Variants in BUB1 observed in about 807,000 individuals in gnomAD.
BUB1 encodes mitotic checkpoint serine/threonine-protein kinase BUB1.
Under a neutral mutation model 135.2 loss-of-function variants are expected in BUB1, and 84 were observed. The ratio of observed to expected loss-of-function variants is 0.62; its 90% CI spans 0.52 to 0.74. BUB1 has a LOEUF of 0.74. BUB1 is among the 30% of genes least tolerant of loss of function. The pLI is 0.00. For missense variants in BUB1, 1,162 were observed against 1,288.3 expected, an observed-to-expected ratio of 0.90 and a Z score of 1.50; for synonymous variants, 403 against 434.4, an observed-to-expected ratio of 0.93 and a Z score of 0.90.
rs1309490467 is a variant in BUB1 at position 110,641,013 on chromosome 2, T to C, written c.2955+21A>G. ...CGCAACACAGAAAAATATTTCCAAG[T>C]CCCTCACTTTAGTTTTATACCTGGT... On this transcript the variant is annotated intron_variant, in intron 23 of 24. Transcript: ENST00000302759. 3.9e-6 allele frequency: 6 copies of C among 1,528,202 alleles called. No homozygotes were observed. In the East Asian group the frequency reaches 1.4e-4, roughly 35 times the overall value. The allele number at this position is 1,528,202 out of a possible 1,614,324, so 94.7% of individuals were successfully genotyped here.
At chr2:110,655,718 C>G (rs776915240) in intron 16 of BUB1, 21 bp downstream of exon 16, 1 of 1,569,002 alleles carries the variant, frequency 6.4e-7, no homozygotes, top group Non-Finnish European at 8.7e-7. Context: ...AAGACAGACA[C>G]TAAAACAGTG....
At position 110,649,361 on chromosome 2, in the gene BUB1, G is replaced by C. The variant is rs916510561; in HGVS notation, c.2220C>G (p.Asn740Lys). 6.3e-7 allele frequency: 1 copy of C among 1,592,664 alleles called. No individual in the cohort carries two copies. The highest frequency in any genetic ancestry group is 8.5e-7 in the Non-Finnish European group (1 of 1,171,162). Residue 740 changes from asparagine to lysine, a missense_variant, in exon 19 of 25, where the codon AAC (asparagine) becomes AAG (lysine). Coordinates refer to ENST00000302759, the MANE Select transcript of BUB1 (RefSeq NM_004336.5). ...TVDAPNFIVGNPWDDKLIFKL... is the reference protein window; with the variant it reads ...TVDAPNFIVGKPWDDKLIFKL... ...TGAAAATCAGCTTATCATCCCATGG[G>C]TTCCCAACAATGAAGTCTTAAAGGA...
At position 110,650,748 on chromosome 2, in the gene BUB1, C is replaced by T. The variant is rs201651544; in HGVS notation, c.2001G>A (p.Ser667=). 4.3e-6 allele frequency: 7 copies of T among 1,613,942 alleles called. No individual in the cohort carries two copies. Among genetic ancestry groups the T allele is most frequent in the Admixed American group, 3.3e-5 (2 of 59,958 alleles). The change falls in exon 18 of 25, where the codon TCG becomes TCA. Residue 667 remains serine, a synonymous_variant. Transcript: ENST00000302759. The stretch of plus-strand genomic sequence containing the variant: ...GTAAGGATGCTGAATACATGTGAGA[C>T]GACAAGGCCTGTTTTGGGCTTTTCT... ...IQEKSPKQAL[S]SHMYSASLLR... is the part of the protein sequence containing the mutation.
intron 15 of BUB1, among the ~76,000 whole-genome samples, chr2:110,656,164 A>G (rs1689929526): frequency 6.6e-6 from 1 of 152,206 alleles, no homozygotes; most frequent in Non-Finnish European, 1.5e-5. Context: ...TTAATTTGAA[A>G]AAGTTGTGAT....
At chr2:110,656,825 A>G (rs575226572) in intron 15 of BUB1, among the ~76,000 whole-genome samples, 1 of 152,322 alleles carries the variant, frequency 6.6e-6, no homozygotes, top group Non-Finnish European at 1.5e-5. Context: ...TTAATAAATA[A>G]TTTTGGTAGG....
chr2:110,645,585 ATGTGTGTG>A (rs141013722), intron 19 of BUB1, among the ~76,000 whole-genome samples: 1 of 146,608 alleles, frequency 6.8e-6, no homozygotes, highest in African/African-American at 2.5e-5. Context: ...CGTTACGTGT[ATGTGTGTG>A]TGTGTGTGTG....
chr2:110,662,011 A>C, intron 9 of BUB1, 170 bp from the exon 10 acceptor site: 1 of 729,452 alleles, frequency 1.4e-6, no homozygotes, highest in South Asian at 2.0e-5. Flanking sequence ...AGTCAACAAC[A>C]AAAAGACCAC....
chr2:110,676,819 G>T (rs1690603031), intron 1 of BUB1, among the ~76,000 whole-genome samples: 2 of 151,442 alleles, frequency 1.3e-5, no homozygotes, highest in Admixed American at 6.6e-5. Context: ...CTAGAAAAAC[G>T]GTTACATGTG....
chr2:110,644,267 T>G (rs1391849233), intron 19 of BUB1, among the ~76,000 whole-genome samples: 1 of 151,460 alleles, frequency 6.6e-6, no homozygotes, highest in Admixed American at 6.6e-5. Flanking sequence ...GGCGGATCAC[T>G]TGAGGTCAGG....
chr2:110,650,625 T>G lies in BUB1; in HGVS notation c.2124A>C (p.Ala708=). Residue 708 remains alanine, a synonymous_variant, in exon 18 of 25, where the codon GCA becomes GCC. Coordinates refer to ENST00000302759, the MANE Select transcript of BUB1 (RefSeq NM_004336.5). ...CRLTDTDAAI[A]EDPPDAIAGL... ...CAGCAATAGCATCTGGTGGATCTTC[T>G]GCAATGGCAGCGTCAGTGTCTGTGA... 1 of 1,613,982 alleles carries G rather than the reference T, an allele frequency of 6.2e-7. No individual in the cohort carries two copies. Among genetic ancestry groups the G allele is most frequent in the Non-Finnish European group, 8.5e-7 (1 of 1,179,962 alleles).
intron 1 of BUB1, among the ~76,000 whole-genome samples, chr2:110,677,253 A>G (rs1162297711): frequency 3.9e-5 from 6 of 152,210 alleles, no homozygotes; most frequent in Non-Finnish European, 7.3e-5. Flanking sequence ...TCTTAGAGCA[A>G]ATGGATTTTT....
chr2:110,658,347 T>C (rs940744526), intron 13 of BUB1, 63 bp downstream of exon 13: 4 of 1,347,880 alleles, frequency 3.0e-6, no homozygotes, highest in Non-Finnish European at 4.1e-6. Context: ...AAATAATTCT[T>C]GATATTTTCT....
chr2:110,646,929 G>T (rs183991463), intron 19 of BUB1, among the ~76,000 whole-genome samples: 1 of 152,178 alleles, frequency 6.6e-6, no homozygotes, highest in African/African-American at 2.4e-5. Context: ...CCACAAATGA[G>T]AATTGAGATG....
At position 110,670,508 on chromosome 2, in the gene BUB1, A is replaced by G. The variant is rs1318084080; in HGVS notation, c.466+17T>C. On this transcript the variant is annotated intron_variant, in intron 5 of 24. Coordinates refer to ENST00000302759, the MANE Select transcript of BUB1 (RefSeq NM_004336.5). Reference sequence around the variant, plus strand: ...CTAAATGGACAACAACAGGCATTTTAGAAAGCCTGATTTTACCTTGAGCTG... The same window carrying G: ...CTAAATGGACAACAACAGGCATTTTGGAAAGCCTGATTTTACCTTGAGCTG... 4.3e-6 allele frequency: 7 copies of G among 1,613,516 alleles called. No individual in the cohort carries two copies. Among genetic ancestry groups the G allele is most frequent in the South Asian group, 2.2e-5 (2 of 91,066 alleles).
chr2:110,669,786 A>C (rs1690367426), intron 5 of BUB1, among the ~76,000 whole-genome samples: 1 of 152,210 alleles, frequency 6.6e-6, no homozygotes, highest in African/African-American at 2.4e-5. Context: ...CCTAACTAAT[A>C]ATTTTAAACA....
intron 4 of BUB1, among the ~76,000 whole-genome samples, chr2:110,671,300 A>G (rs1025003854): frequency 1.3e-5 from 2 of 152,230 alleles, no homozygotes; most frequent in African/African-American, 4.8e-5. Flanking sequence ...AGAGATGTTT[A>G]CAATAGGGTT....
chr2:110,656,986 A>C, intron 15 of BUB1, 50 bp downstream of exon 15: 1 of 1,384,368 alleles, frequency 7.2e-7, no homozygotes, highest in Non-Finnish European at 1.0e-6. Context: ...TGGTAGAATA[A>C]AGCGGATGGG....
chr2:110,668,621 A>G (rs1051067991), intron 6 of BUB1, among the ~76,000 whole-genome samples: 1 of 152,210 alleles, frequency 6.6e-6, no homozygotes, highest in Non-Finnish European at 1.5e-5. Flanking sequence ...GTTGGGAAAC[A>G]TGAGGCTGAG....
intron 4 of BUB1, among the ~76,000 whole-genome samples, chr2:110,670,804 G>C (rs1690399259): frequency 6.6e-6 from 1 of 152,128 alleles, no homozygotes; most frequent in African/African-American, 2.4e-5. Flanking sequence ...CTTAGTTTAT[G>C]TTAGTATTTC....
Sources: gnomAD v4.1 joint callset for allele counts (sites outside exome capture counted in the v4.1 genomes callset) on GRCh38, gnomAD v4.1.1 for gene constraint, MANE v1.5 for transcripts, NCBI Gene and HGNC (gene_info 2026-07-23, HGNC 2026-07-21) for gene names.